The following LRRC3C variants were observed in gnomAD, a reference collection of about 807,000 sequenced individuals.
The protein encoded by LRRC3C is leucine rich repeat containing 3C, also known as leucine-rich repeat-containing protein 3C.
A neutral mutation model predicts 14.8 loss-of-function variants in LRRC3C; 11 were observed. The ratio of observed to expected loss-of-function variants is 0.74; its 90% CI spans 0.47 to 1.23. The LOEUF is 1.23. LRRC3C is among the 50% of genes most tolerant of loss of function. The pLI, the probability that LRRC3C is intolerant of heterozygous loss-of-function variation, is 0.00. For missense variants in LRRC3C, 354 were observed against 361.8 expected, an observed-to-expected ratio of 0.98 and a Z score of 0.18; for synonymous variants, 149 against 161.5, an observed-to-expected ratio of 0.92 and a Z score of 0.59.
At chr17:39,940,248 G>C (rs72832962) in intron 2 of LRRC3C, among the ~76,000 whole-genome samples, 84 of 152,092 alleles carry the variant, frequency 5.5e-4, no homozygotes, top group African/African-American at 2.0e-3. Context: ...CTACCATCTG[G>C]TCTGGTCCCC....
In LRRC3C at chr17:39,944,492, G is replaced by C. The variant is rs562070106; in HGVS notation, c.586G>C (p.Val196Leu). 2 of 1,488,428 alleles carry C rather than the reference G, an allele frequency of 1.3e-6. No homozygotes were observed. The highest frequency in any genetic ancestry group is 1.8e-6 in the Non-Finnish European group (2 of 1,120,976). 92.2% of individuals were successfully genotyped at this position (1,488,428 alleles called of 1,614,324 possible). The change falls in exon 4 of 4, where the codon GTG becomes CTG. Residue 196 changes from valine (V) to leucine (L), a missense_variant. Transcript: ENST00000377924. ...TGGCTCAGGAGCCCGACCGGACCTC[G>C]TGGGGCAGGAGTTCCTGCTGCTGGC... ...VCGSGARPDL[V>L]GQEFLLLAGE...
At chr17:39,936,528 T>C (rs1978800041) in intron 2 of LRRC3C, among the ~76,000 whole-genome samples, 1 of 151,900 alleles carries the variant, frequency 6.6e-6, no homozygotes, top group African/African-American at 2.4e-5. Flanking sequence ...TCCGACCAGA[T>C]GCGGTGGCTC....
chr17:39,929,705 C>T (rs1978594540), intron 1 of LRRC3C, among the ~76,000 whole-genome samples: 2 of 152,148 alleles, frequency 1.3e-5, no homozygotes, highest in Admixed American at 1.3e-4. Context: ...GAAGTCATCC[C>T]ATGTACAGGA....
intron 1 of LRRC3C, among the ~76,000 whole-genome samples, chr17:39,930,396 T>TAAA (rs34932103): frequency 2.1e-5 from 1 of 48,612 alleles, no homozygotes; most frequent in Non-Finnish European, 4.2e-5. Context: ...AAACTGACTT[T>TAAA]AAAAAAAAAA....
chr17:39,941,689 G>A, intron 3 of LRRC3C, 140 bp downstream of exon 3: 1 of 709,042 alleles, frequency 1.4e-6, no homozygotes, highest in Non-Finnish European at 2.3e-6. Context: ...AGGATGTAGG[G>A]TATTGGTATG....
At chr17:39,934,693 G>A (rs1978749836) in intron 1 of LRRC3C, 1 of 152,214 alleles carries the variant, frequency 6.6e-6, no homozygotes, top group African/African-American at 2.4e-5. Flanking sequence ...CCAAGAGAGG[G>A]TTCTTGGATC....
chr17:39,930,708 CA>C (rs71300058), intron 1 of LRRC3C, among the ~76,000 whole-genome samples: 100 of 70,634 alleles, frequency 1.4e-3, no homozygotes, highest in South Asian at 4.6e-3. Context: ...GGCTCTGTCT[CA>C]AAAAAAAAAA....
chr17:39,939,982 GA>G (rs1441044090), intron 2 of LRRC3C, among the ~76,000 whole-genome samples: 1 of 152,188 alleles, frequency 6.6e-6, no homozygotes, highest in Non-Finnish European at 1.5e-5. Flanking sequence ...TGCCCAGTGT[GA>G]GAGAGGAACA....
rs1407178121 is a variant in LRRC3C, at chr17:39,944,351, G to A, written c.445G>A (p.Val149Met). The A allele has an allele frequency of 2.5e-5, 38 of 1,534,944 alleles. No homozygotes were observed. Among genetic ancestry groups the A allele is most frequent in the Non-Finnish European group, 3.2e-5 (37 of 1,146,420 alleles). Reference protein sequence around the residue: ...QLASVPVEAFVGLQIQVNLSA... With the variant: ...QLASVPVEAFMGLQIQVNLSA... Reference sequence around the variant, plus strand: ...GGCCTCAGTGCCCGTGGAGGCCTTTGTGGGGCTACAGATCCAAGTGAACCT... The same window carrying A: ...GGCCTCAGTGCCCGTGGAGGCCTTTATGGGGCTACAGATCCAAGTGAACCT... The change falls in exon 4 of 4, where the codon GTG becomes ATG. Residue 149 changes from valine to methionine, a missense_variant. Physicochemically the swap from Val to Met is conservative, Grantham distance 21. Coordinates refer to ENST00000377924, the MANE Select transcript of LRRC3C (RefSeq NM_001195545.2).
chr17:39,941,503 T>C lies in LRRC3C; in HGVS notation c.-21T>C, dbSNP rs1308271757. The C allele has an allele frequency of 6.5e-7, 1 of 1,534,784 alleles. No homozygotes were observed. The highest frequency in any genetic ancestry group is 1.4e-5 in the African/African-American group (1 of 72,776). On this transcript the variant is annotated 5_prime_UTR_variant, in exon 3 of 4. Coordinates refer to ENST00000377924, the MANE Select transcript of LRRC3C (RefSeq NM_001195545.2). ...GTCTTCCAAAATCCAGCAAGAAAAA[T>C]CCTTCTCAGAAAGGTCTCCAATGCG...
chr17:39,941,090 C>T (rs1978925664), intron 2 of LRRC3C, among the ~76,000 whole-genome samples: 1 of 151,602 alleles, frequency 6.6e-6, no homozygotes, highest in South Asian at 2.1e-4. Context: ...TGGCTCACAT[C>T]TGTAATCCCA....
intron 1 of LRRC3C, among the ~76,000 whole-genome samples, chr17:39,933,821 C>G (rs370795273): frequency 1.3e-5 from 2 of 152,232 alleles, no homozygotes; most frequent in East Asian, 3.8e-4. Context: ...CCTCCTCCCC[C>G]ACCTGCTTCC....
At chr17:39,941,091 T>G (rs1978925740) in intron 2 of LRRC3C, among the ~76,000 whole-genome samples, 4 of 151,610 alleles carry the variant, frequency 2.6e-5, no homozygotes, top group African/African-American at 9.7e-5. Context: ...GGCTCACATC[T>G]GTAATCCCAG....
At chr17:39,942,744 G>A (rs1186280063) in intron 3 of LRRC3C, among the ~76,000 whole-genome samples, 6 of 152,202 alleles carry the variant, frequency 3.9e-5, no homozygotes, top group African/African-American at 7.2e-5. Context: ...TTTGCTCACC[G>A]TGGAAGAAGG....
chr17:39,932,921 G>A (rs575879148), intron 1 of LRRC3C, among the ~76,000 whole-genome samples: 72 of 152,070 alleles, frequency 4.7e-4, no homozygotes, highest in South Asian at 1.7e-3. Flanking sequence ...GCATGGTGGC[G>A]CGCCCCTGTA....
At chr17:39,943,839 G>C in intron 3 of LRRC3C, 94 bp from the exon 4 acceptor site, 1 of 1,265,954 alleles carries the variant, frequency 7.9e-7, no homozygotes, top group Non-Finnish European at 1.1e-6. Flanking sequence ...AGCCCAAAAA[G>C]ACTCCCCAGA....
At chr17:39,934,189 G>A (rs1436601765) in intron 1 of LRRC3C, among the ~76,000 whole-genome samples, 1 of 152,172 alleles carries the variant, frequency 6.6e-6, no homozygotes, top group Non-Finnish European at 1.5e-5. Context: ...CTGTGCCTGG[G>A]AACAAGAACC....
At chr17:39,934,219 A>G (rs906862097) in intron 1 of LRRC3C, among the ~76,000 whole-genome samples, 1 of 152,246 alleles carries the variant, frequency 6.6e-6, no homozygotes, top group Non-Finnish European at 1.5e-5. Flanking sequence ...AACCAAGTGC[A>G]GGGAGGTACC....
At chr17:39,930,597 A>G (rs954201456) in intron 1 of LRRC3C, among the ~76,000 whole-genome samples, 9 of 148,508 alleles carry the variant, frequency 6.1e-5, no homozygotes, top group African/African-American at 2.2e-4. Flanking sequence ...AATCCCAGCT[A>G]CTCAGGAGGC....
Sources: allele counts gnomAD v4.1 joint callset (sites outside exome capture counted in the v4.1 genomes callset), GRCh38; gene constraint gnomAD v4.1.1; transcripts MANE v1.5; gene names NCBI Gene and HGNC (gene_info 2026-07-23, HGNC 2026-07-21).